Variants in TAF3 observed in about 807,000 individuals in gnomAD.
TAF3 encodes TATA-box binding protein associated factor 3.
Under a neutral mutation model 80.6 loss-of-function variants are expected in TAF3, and 7 were observed. That is an observed-to-expected ratio of 0.09 (90% confidence interval 0.05 to 0.16). The LOEUF (loss-of-function observed/expected upper bound fraction) is 0.16, where lower values mean the gene tolerates loss of function less well. TAF3 is among the 10% of genes least tolerant of loss of function. The probability of loss-of-function intolerance (pLI) is 1.00; values close to 1 mark genes in which losing one functional copy is unlikely to be tolerated. For missense variants in TAF3, 921 were observed against 1,140.2 expected, an observed-to-expected ratio of 0.81 and a Z score of 2.77; for synonymous variants, 444 against 446.1, an observed-to-expected ratio of 1.00 and a Z score of 0.06.
chr10:7,982,670 G>A (rs188173848), intron 4 of TAF3, among the ~76,000 whole-genome samples: 481 of 152,312 alleles, frequency 3.2e-3, no homozygotes, highest in Non-Finnish European at 4.8e-3. Flanking sequence ...AAAGTGCTGG[G>A]ATTACAGGTG....
At chr10:7,853,324 G>A (rs1325444552) in intron 2 of TAF3, among the ~76,000 whole-genome samples, 2 of 152,180 alleles carry the variant, frequency 1.3e-5, no homozygotes, top group African/African-American at 4.8e-5. Context: ...AACTCCACAT[G>A]TGGGGGCATT....
intron 2 of TAF3, among the ~76,000 whole-genome samples, chr10:7,854,408 G>C (rs530728179): frequency 6.6e-6 from 1 of 152,302 alleles, no homozygotes; most frequent in East Asian, 1.9e-4. Context: ...GCCGCAGCGA[G>C]ATACACACAT....
intron 4 of TAF3, among the ~76,000 whole-genome samples, chr10:8,007,168 C>G (rs563439870): frequency 3.9e-5 from 6 of 152,032 alleles, no homozygotes; most frequent in Non-Finnish European, 8.8e-5. Flanking sequence ...GGACAAAAAC[C>G]TTTGGCTTAC....
chr10:7,838,746 C>T (rs1836878334), intron 2 of TAF3, among the ~76,000 whole-genome samples: 1 of 152,060 alleles, frequency 6.6e-6, no homozygotes. Context: ...ACATCCGACG[C>T]TATAAGCCTC....
At position 8,001,852 on chromosome 10, in the gene TAF3, T is replaced by C. The variant is rs565788709; in HGVS notation, c.2316-7226T>C. On this transcript the variant is annotated intron_variant, in intron 4 of 6. Transcript: ENST00000344293. ...TTGCACATGCGTAATTATTGCATAGTAAAGCACATGAACATCTGAAAATTA... is the reference window on the plus strand; with the variant it reads ...TTGCACATGCGTAATTATTGCATAGCAAAGCACATGAACATCTGAAAATTA... 4.6e-5 allele frequency among the ~76,000 whole-genome samples: 7 copies of C among 152,322 alleles called. No homozygotes were observed. The South Asian group carries it at 1.4e-3, about 32-fold the overall frequency.
chr10:7,869,246 C>CGTGT (rs990072669), intron 2 of TAF3, among the ~76,000 whole-genome samples: 6 of 101,382 alleles, frequency 5.9e-5, no homozygotes, highest in African/African-American at 1.8e-4. Context: ...TGACTTCTAC[C>CGTGT]GTGTGTGTGT....
At chr10:7,892,189 AT>A (rs1837462379) in intron 2 of TAF3, among the ~76,000 whole-genome samples, 1 of 152,160 alleles carries the variant, frequency 6.6e-6, no homozygotes, top group South Asian at 2.1e-4. Context: ...AGAGTTTCAA[AT>A]TTTCTATGCT....
chr10:7,968,907 GAGTTGTGCAAGCTTTT>G (rs1831597266), intron 3 of TAF3, among the ~76,000 whole-genome samples: 1 of 152,214 alleles, frequency 6.6e-6, no homozygotes, highest in Non-Finnish European at 1.5e-5. Flanking sequence ...AGAGAGTGGT[GAGTTGTGCAAGCTTTT>G]AGTTCCCCTT....
At chr10:7,858,298 C>G (rs957920620) in intron 2 of TAF3, among the ~76,000 whole-genome samples, 3 of 152,166 alleles carry the variant, frequency 2.0e-5, no homozygotes, top group African/African-American at 7.2e-5. Flanking sequence ...AGTGATGTTA[C>G]AAGCAATTGC....
intron 2 of TAF3, among the ~76,000 whole-genome samples, chr10:7,902,249 C>T (rs1161609166): frequency 1.3e-5 from 2 of 151,708 alleles, no homozygotes; most frequent in Non-Finnish European, 2.9e-5. Context: ...CATGGAGAAA[C>T]CCTGTCTCTA....
intron 2 of TAF3, among the ~76,000 whole-genome samples, chr10:7,949,031 G>A (rs549744246): frequency 9.2e-5 from 14 of 152,364 alleles, no homozygotes; most frequent in African/African-American, 3.4e-4. Flanking sequence ...TGCTGCCGCC[G>A]CTGCTGACAG....
chr10:7,907,237 C>T (rs1295715506), intron 2 of TAF3, among the ~76,000 whole-genome samples: 1 of 152,124 alleles, frequency 6.6e-6, no homozygotes, highest in Non-Finnish European at 1.5e-5. Flanking sequence ...GCAACACCCT[C>T]GGAATCACAG....
chr10:7,976,233 G>A (rs1017788838), intron 3 of TAF3, among the ~76,000 whole-genome samples: 2 of 150,426 alleles, frequency 1.3e-5, no homozygotes, highest in African/African-American at 2.4e-5. Context: ...ATCTGTTTTC[G>A]TTTTCTTTCT....
At chr10:8,012,695 G>T (rs978957411) in intron 5 of TAF3, among the ~76,000 whole-genome samples, 1 of 152,184 alleles carries the variant, frequency 6.6e-6, no homozygotes, top group Non-Finnish European at 1.5e-5. Flanking sequence ...TCTTTAGGAA[G>T]TTTTCCTGTC....
intron 4 of TAF3, among the ~76,000 whole-genome samples, chr10:8,005,819 C>T (rs1831985521): frequency 6.6e-6 from 1 of 152,226 alleles, no homozygotes. Context: ...TCCTACATTA[C>T]ATGCCTTTTA....
intron 2 of TAF3, among the ~76,000 whole-genome samples, chr10:7,855,497 G>A (rs1391599051): frequency 6.6e-6 from 1 of 152,108 alleles, no homozygotes; most frequent in East Asian, 1.9e-4. Flanking sequence ...TCATCCTTTG[G>A]GGAGGAGATT....
At chr10:7,908,969 A>G (rs976117793) in intron 2 of TAF3, among the ~76,000 whole-genome samples, 1 of 152,254 alleles carries the variant, frequency 6.6e-6, no homozygotes, top group African/African-American at 2.4e-5. Context: ...TGATGCTGCT[A>G]TGCTGCTAAG....
At chr10:7,904,713 G>A (rs962920317) in intron 2 of TAF3, among the ~76,000 whole-genome samples, 1 of 152,182 alleles carries the variant, frequency 6.6e-6, no homozygotes, top group African/African-American at 2.4e-5. Flanking sequence ...TGTGTAGTGT[G>A]CACAGCGTTG....
intron 2 of TAF3, among the ~76,000 whole-genome samples, chr10:7,838,062 A>G (rs1836870315): frequency 6.6e-6 from 1 of 152,232 alleles, no homozygotes; most frequent in South Asian, 2.1e-4. Context: ...AGATGCTGCT[A>G]TCATTCCCAT....
Sources: allele counts gnomAD v4.1 joint callset (sites outside exome capture counted in the v4.1 genomes callset), GRCh38; gene constraint gnomAD v4.1.1; transcripts MANE v1.5; gene names NCBI Gene and HGNC (gene_info 2026-07-23, HGNC 2026-07-21).